Variants in ZFPM1 observed in about 807,000 individuals in gnomAD.
ZFPM1 encodes zinc finger protein, FOG family member 1, also known as zinc finger protein ZFPM1.
In ZFPM1, 28 loss-of-function variants were observed where a neutral mutation model predicts 46.3. The ratio of observed to expected loss-of-function variants is 0.60; its 90% CI spans 0.45 to 0.83. The LOEUF (loss-of-function observed/expected upper bound fraction) is 0.83. Ranked by LOEUF, ZFPM1 falls within the 40% of genes least tolerant of loss-of-function variation. The probability of loss-of-function intolerance (pLI) is 0.00; values close to 1 mark genes in which losing one functional copy is unlikely to be tolerated. For missense variants in ZFPM1, 1,878 were observed against 1,432.4 expected (o/e 1.31, Z -5.02); for synonymous variants, 957 against 675.9 (o/e 1.42, Z -6.45).
chr16:88,518,267 T>C (rs2142442441), intron 4 of ZFPM1, among the ~76,000 whole-genome samples: 1 of 151,412 alleles, frequency 6.6e-6, no homozygotes, highest in South Asian at 2.1e-4. Flanking sequence ...AGTAGATGGA[T>C]GGTGGATAAG....
chr16:88,487,282 C>T (rs1214358046), intron 2 of ZFPM1, among the ~76,000 whole-genome samples: 1 of 152,188 alleles, frequency 6.6e-6, no homozygotes, highest in Non-Finnish European at 1.5e-5. Context: ...ACCCAGCTCC[C>T]CCACACTCCA....
At chr16:88,466,481 G>A (rs1908140271) in intron 1 of ZFPM1, among the ~76,000 whole-genome samples, 1 of 152,198 alleles carries the variant, frequency 6.6e-6, no homozygotes, top group African/African-American at 2.4e-5. Flanking sequence ...TTTGCAGTGG[G>A]GGGCAGCCCA....
intron 3 of ZFPM1, among the ~76,000 whole-genome samples, chr16:88,501,093 CAGGTGCTGGTGATGATGGAGATAG>C (rs1567540913): frequency 9.5e-5 from 14 of 147,066 alleles, no homozygotes; most frequent in African/African-American, 3.1e-4. Flanking sequence ...GGCCCTCCCG[CAGGTGCTGGTGATGATGGAGATAG>C]CAGACATGGA....
intron 4 of ZFPM1, among the ~76,000 whole-genome samples, chr16:88,522,577 G>A (rs1210562830): frequency 2.0e-5 from 3 of 152,238 alleles, no homozygotes; most frequent in Admixed American, 6.5e-5. Context: ...TTGTCACAGC[G>A]GATGCTGCAC....
intron 1 of ZFPM1, among the ~76,000 whole-genome samples, chr16:88,483,171 G>C (rs537330666): frequency 8.5e-5 from 13 of 152,212 alleles, no homozygotes; most frequent in African/African-American, 3.1e-4. Context: ...GCTCTGAGGA[G>C]GCCGGGACTC....
chr16:88,485,304 G>A (rs552806236), intron 1 of ZFPM1, among the ~76,000 whole-genome samples: 10 of 152,292 alleles, frequency 6.6e-5, no homozygotes, highest in South Asian at 4.1e-4. Flanking sequence ...CACGGGGTCC[G>A]CGGCCCTTCT....
intron 4 of ZFPM1, among the ~76,000 whole-genome samples, chr16:88,523,688 G>A (rs895113716): frequency 4.6e-5 from 7 of 152,218 alleles, no homozygotes; most frequent in South Asian, 4.1e-4. Flanking sequence ...GCCTGTGGTC[G>A]CAGAAGTAGG....
intron 1 of ZFPM1, among the ~76,000 whole-genome samples, chr16:88,477,712 A>G (rs1471180455): frequency 6.6e-6 from 1 of 152,274 alleles, no homozygotes; most frequent in Admixed American, 6.5e-5. Context: ...AAAAGAAAAG[A>G]AAAGCAAAAC....
At chr16:88,476,781 C>T (rs571981076) in intron 1 of ZFPM1, among the ~76,000 whole-genome samples, 1 of 152,172 alleles carries the variant, frequency 6.6e-6, no homozygotes. Context: ...AACATACATA[C>T]GATGGGGGCC....
intron 3 of ZFPM1, among the ~76,000 whole-genome samples, chr16:88,505,820 G>A (rs931580195): frequency 8.5e-5 from 13 of 152,260 alleles, no homozygotes; most frequent in Non-Finnish European, 1.5e-4. Context: ...CATAGGGCAC[G>A]AGGCCCACCT....
At position 88,468,170 on chromosome 16, in the gene ZFPM1, G is replaced by A. The variant is rs570589888; in HGVS notation, c.40+14492G>A. ...CCCTGACCCACCCGCGAGCCCACAG[G>A]CCCTGACGCACCCGCGAGCCCACCG... On this transcript the variant is annotated intron_variant, in intron 1 of 9. Transcript: ENST00000319555. Among the ~76,000 whole-genome samples the A allele has an allele frequency of 8.3e-3, 703 of 84,316 alleles. 9 individuals carry two copies. The highest frequency in any genetic ancestry group is 0.032 in the African/African-American group (658 of 20,518). The allele number at this position is 84,316 out of a possible 152,430, so 55.3% of individuals were successfully genotyped here.
At chr16:88,504,160 A>G (rs4559894) in intron 3 of ZFPM1, among the ~76,000 whole-genome samples, 43,303 of 151,900 alleles carry the variant, frequency 0.29, 6,225 homozygotes, top group East Asian at 0.37. Context: ...CTGAGCAGGG[A>G]CCTGGTAGGA....
intron 3 of ZFPM1, among the ~76,000 whole-genome samples, chr16:88,512,496 A>C (rs1911024873): frequency 6.6e-6 from 1 of 152,080 alleles, no homozygotes; most frequent in African/African-American, 2.4e-5. Context: ...CTGGGTCCAG[A>C]CGTGCCCTCA....
In ZFPM1 at chr16:88,528,268, G is replaced by A. The variant is rs200840151; in HGVS notation, c.712+30G>A. ...GTGCTGGGCTCTCCGCACCCAGGGC[G>A]GCTGCTCCACCAAGGAGGAGCAGGC... On this transcript the variant is annotated intron_variant, in intron 6 of 9. Transcript: ENST00000319555. The A allele has an allele frequency of 9.3e-5, 145 of 1,560,984 alleles. No homozygotes were observed. The African/African-American group carries it at 1.3e-3, about 14-fold the overall frequency.
In ZFPM1 at chr16:88,497,866, C is replaced by T. The variant is rs573914874; in HGVS notation, c.268+8713C>T. On this transcript the variant is annotated intron_variant, in intron 3 of 9. Coordinates refer to ENST00000319555, the MANE Select transcript of ZFPM1 (RefSeq NM_153813.3). This position sits in a 1 kb window ranked among gnomAD's most constrained non-coding sequence, Gnocchi z 5.4. Reference sequence around the variant, plus strand: ...AGCTCCATCTGACTAATCTCGCCGGCGGAGCGTCTACGCAAACCTCAAGGC... The same window carrying T: ...AGCTCCATCTGACTAATCTCGCCGGTGGAGCGTCTACGCAAACCTCAAGGC... 2.0e-4 allele frequency among the ~76,000 whole-genome samples: 30 copies of T among 152,304 alleles called. No individual in the cohort carries two copies. The highest frequency in any genetic ancestry group is 5.1e-4 in the African/African-American group (21 of 41,572).
chr16:88,508,894 C>T (rs1910801648), intron 3 of ZFPM1, among the ~76,000 whole-genome samples: 2 of 152,334 alleles, frequency 1.3e-5, no homozygotes, highest in Admixed American at 1.3e-4. Context: ...CCTCAGGGGC[C>T]CCGCGGGGTT....
intron 1 of ZFPM1, among the ~76,000 whole-genome samples, chr16:88,470,405 C>A (rs189606999): frequency 6.6e-6 from 1 of 152,218 alleles, no homozygotes; most frequent in Non-Finnish European, 1.5e-5. Context: ...CCCAGCCTAA[C>A]GAGGGAGAGT....
chr16:88,452,549 G>T (rs1204111091), upstream of ZFPM1, among the ~76,000 whole-genome samples: 1 of 152,250 alleles, frequency 6.6e-6, no homozygotes, highest in African/African-American at 2.4e-5. Context: ...CTCAGTTGGC[G>T]GACCCCACCG....
intron 4 of ZFPM1, among the ~76,000 whole-genome samples, chr16:88,525,205 C>G (rs532201041): frequency 3.3e-5 from 5 of 152,208 alleles, no homozygotes; most frequent in Non-Finnish European, 4.4e-5. Flanking sequence ...GCAGGGAGGC[C>G]GAGCCTGGCT....
Sources: gnomAD v4.1 joint callset for allele counts (sites outside exome capture counted in the v4.1 genomes callset) on GRCh38, gnomAD v4.1.1 for gene constraint, Gnocchi (gnomAD v3.1) non-coding constraint, MANE v1.5 for transcripts, NCBI Gene and HGNC (gene_info 2026-07-23, HGNC 2026-07-21) for gene names.